Variants in EP400 observed in about 807,000 individuals in gnomAD.
EP400 encodes E1A-binding protein p400.
A neutral mutation model predicts 354.1 loss-of-function variants in EP400; 105 were observed. The ratio of observed to expected loss-of-function variants is 0.30; its 90% CI spans 0.25 to 0.35. The LOEUF (loss-of-function observed/expected upper bound fraction) is 0.35. EP400 is among the 10% of genes least tolerant of loss of function. The pLI is 1.00. For missense variants in EP400, 3,280 were observed against 4,121.0 expected, an observed-to-expected ratio of 0.80 and a Z score of 5.59; for synonymous variants, 1,646 against 1,716.9, an observed-to-expected ratio of 0.96 and a Z score of 1.02.
intron 1 of EP400, among the ~76,000 whole-genome samples, chr12:131,954,762 G>A (rs1292467302): frequency 2.0e-5 from 3 of 149,716 alleles, no homozygotes; most frequent in African/African-American, 7.3e-5. Context: ...GCGTGGTGGT[G>A]TGTGCCTATA....
At chr12:131,962,795 G>A (rs760313697) in intron 2 of EP400, among the ~76,000 whole-genome samples, 17 of 152,182 alleles carry the variant, frequency 1.1e-4, no homozygotes, top group Non-Finnish European at 2.2e-4. Flanking sequence ...GTTGTGTAGT[G>A]TATACTATGT....
rs556902763 is a variant in EP400, at chr12:132,013,610, C to T, written c.3732C>T (p.Ala1244=). ...CCTACCTGAGCTCCCCTCTGAGGGC[C>T]CCCAGTGAAGAGAGCCAGGATTACT... ...SRPYLSSPLR[A]PSEESQDYYH... is the part of the protein sequence containing the mutation. The change falls in exon 18 of 53, where the codon GCC becomes GCT. Residue 1244 remains alanine (A), a synonymous_variant. Transcript: ENST00000389561. This position sits in a 1 kb window ranked among gnomAD's most constrained non-coding sequence, Gnocchi z 4.5. 4.3e-6 allele frequency: 7 copies of T among 1,613,674 alleles called. No individual in the cohort carries two copies. The highest frequency in any genetic ancestry group is 4.0e-5 in the African/African-American group (3 of 74,888).
At position 131,994,828 on chromosome 12, in the gene EP400, G is replaced by C; in HGVS notation, c.2738-39G>C. 6.4e-7 allele frequency: 1 copy of C among 1,562,512 alleles called. No homozygotes were observed. Among genetic ancestry groups the C allele is most frequent in the South Asian group, 1.1e-5 (1 of 89,702 alleles). ...GTAATGAGTAACAGACACTCAAGTG[G>C]TGTTGCCTCTCAGTGACACTTGCTG... On this transcript the variant is annotated intron_variant, in intron 11 of 52. Transcript: ENST00000389561. The surrounding 1 kb of genome is among the most constrained non-coding windows in gnomAD (Gnocchi z 4.6).
intron 2 of EP400, among the ~76,000 whole-genome samples, chr12:131,977,313 T>G (rs372683997): frequency 6.6e-6 from 1 of 151,484 alleles, no homozygotes; most frequent in Non-Finnish European, 1.5e-5. Flanking sequence ...ATTTTTTTTT[T>G]TTTTTGTATT....
intron 2 of EP400, among the ~76,000 whole-genome samples, chr12:131,973,612 C>T (rs1000908754): frequency 6.6e-6 from 1 of 152,168 alleles, no homozygotes; most frequent in South Asian, 2.1e-4. Context: ...CGCTGCACTC[C>T]AGCCTGGGCA....
Position 131,990,117 on chromosome 12 carries a change from G to T in EP400, c.2550+13G>T. The T allele has an allele frequency of 6.3e-7, 1 of 1,594,714 alleles. No individual in the cohort carries two copies. Among genetic ancestry groups the T allele is most frequent in the Non-Finnish European group, 8.5e-7 (1 of 1,172,820 alleles). On this transcript the variant is annotated intron_variant, in intron 8 of 52. Coordinates refer to ENST00000389561, the MANE Select transcript of EP400 (RefSeq NM_015409.5). This position sits in a 1 kb window ranked among gnomAD's most constrained non-coding sequence, Gnocchi z 4.2. ...GAATATTGAACAGGCGAGTGCTGCCGTTGTCATGGGGTCGTAAGAATCAGT... is the reference window on the plus strand; with the variant it reads ...GAATATTGAACAGGCGAGTGCTGCCTTTGTCATGGGGTCGTAAGAATCAGT...
intron 23 of EP400, 34 bp from the exon 24 acceptor site, chr12:132,023,743 A>G (rs1894205474): frequency 1.9e-6 from 3 of 1,602,552 alleles, no homozygotes; most frequent in Non-Finnish European, 2.5e-6. Flanking sequence ...TTCCAAAATG[A>G]TCTGAATTCA....
Position 131,991,457 on chromosome 12 carries a change from G to T in EP400, c.2679+1G>T. On this transcript the variant is annotated splice_donor_variant, in intron 10 of 52. Transcript: ENST00000389561. LOFTEE classifies it high-confidence loss of function. ...TGACGCATTACAGGAAAGTTCTCTG[G>T]TAAGTTTGGGGTTGTTACTGTGCTG... 1 of 1,613,990 alleles carries T rather than the reference G, an allele frequency of 6.2e-7. No individual in the cohort carries two copies. Among genetic ancestry groups the T allele is most frequent in the Non-Finnish European group, 8.5e-7 (1 of 1,179,916 alleles).
At chr12:131,954,082 G>A (rs932981924) in intron 1 of EP400, among the ~76,000 whole-genome samples, 33 of 152,176 alleles carry the variant, frequency 2.2e-4, no homozygotes, top group African/African-American at 6.7e-4. Context: ...CGCAGCACTC[G>A]AGTTTAGGTG....
Position 132,057,761 on chromosome 12 carries a change from C to G in EP400, c.7884+2553C>G, listed in dbSNP as rs555869685. 2.9e-4 allele frequency among the ~76,000 whole-genome samples: 44 copies of G among 152,316 alleles called. No individual in the cohort carries two copies. In the South Asian group the frequency reaches 3.5e-3, roughly 12 times the overall value. ...ATAGCAGAAGCTGTTAGGCCTGAGG[C>G]GTTTGGAACATCCCGTATGACCAAT... On this transcript the variant is annotated intron_variant, in intron 45 of 52. Transcript: ENST00000389561.
intron 12 of EP400, among the ~76,000 whole-genome samples, chr12:132,003,869 T>C (rs1893498067): frequency 6.6e-6 from 1 of 152,238 alleles, no homozygotes; most frequent in African/African-American, 2.4e-5. Context: ...GTTTTGCTAG[T>C]CCCAAGTGGA....
chr12:132,027,486 C>T lies in EP400; in HGVS notation c.5064C>T (p.Pro1688=), dbSNP rs146646475. 1.3e-3 allele frequency: 2,090 copies of T among 1,613,848 alleles called. 5 individuals carry two copies. Among genetic ancestry groups the T allele is most frequent in the Non-Finnish European group, 1.5e-3 (1,747 of 1,179,972 alleles). ...VAVNALAVGE[P]GTASKPASPI... ...TGAATGCCTTGGCTGTAGGAGAACCCGGAACGGCCTCCAAACCAGCTTCTC... is the reference window on the plus strand; with the variant it reads ...TGAATGCCTTGGCTGTAGGAGAACCTGGAACGGCCTCCAAACCAGCTTCTC... The change falls in exon 26 of 53, where the codon CCC becomes CCT. Residue 1688 remains proline (P), a synonymous_variant. Coordinates refer to ENST00000389561, the MANE Select transcript of EP400 (RefSeq NM_015409.5). The surrounding 1 kb of genome is among the most constrained non-coding windows in gnomAD (Gnocchi z 4.9).
rs751257329 is a variant in EP400 at position 132,079,878 on chromosome 12, T to A, written c.*2205T>A. The A allele has an allele frequency of 2.0e-5, 3 of 152,268 alleles. No homozygotes were observed. Among genetic ancestry groups the A allele is most frequent in the Non-Finnish European group, 2.9e-5 (2 of 68,050 alleles). 9.4% of individuals were successfully genotyped at this position (152,268 alleles called of 1,614,324 possible). On this transcript the variant is annotated 3_prime_UTR_variant, in exon 53 of 53. Coordinates refer to ENST00000389561, the MANE Select transcript of EP400 (RefSeq NM_015409.5). Reference sequence around the variant, plus strand: ...GATGCTACCGTTGACCTGAGTTAAATTCATTTAGTCGTGTACGTAAAAACT... The same window carrying A: ...GATGCTACCGTTGACCTGAGTTAAAATCATTTAGTCGTGTACGTAAAAACT...
At chr12:132,071,059 G>A (rs1436152738) in intron 51 of EP400, among the ~76,000 whole-genome samples, 1 of 152,198 alleles carries the variant, frequency 6.6e-6, no homozygotes, top group African/African-American at 2.4e-5. Flanking sequence ...TGCTGGCTGG[G>A]ACCTGCAGCA....
At chr12:131,956,838 T>C (rs1050978690) in intron 1 of EP400, among the ~76,000 whole-genome samples, 1 of 151,770 alleles carries the variant, frequency 6.6e-6, no homozygotes, top group Admixed American at 6.6e-5. Context: ...GTTAAGTACA[T>C]GCTTTTCTCC....
At chr12:132,007,286 TATC>T (rs571688215) in intron 15 of EP400, among the ~76,000 whole-genome samples, 1 of 152,236 alleles carries the variant, frequency 6.6e-6, no homozygotes, top group African/African-American at 2.4e-5. Flanking sequence ...CTTTTCATGT[TATC>T]ATGTCCATGC....
Position 132,045,393 on chromosome 12 carries a change from C to T in EP400, c.6859C>T (p.Pro2287Ser). 6.2e-7 allele frequency: 1 copy of T among 1,614,244 alleles called. No individual in the cohort carries two copies. Among genetic ancestry groups the T allele is most frequent in the Non-Finnish European group, 8.5e-7 (1 of 1,180,054 alleles). The change falls in exon 38 of 53, where the codon CCA becomes TCA. Residue 2287 changes from proline to serine, a missense_variant. Pro to Ser is a moderately conservative substitution (Grantham distance 74). Around this residue, in one of 20 missense-constraint regions of EP400, gnomAD observed 231 missense variants for 257.9 expected, o/e 0.90. Transcript: ENST00000389561. Reference sequence around the variant, plus strand: ...TCGGTCCCTGTTTGACCGCGCAACACCAGGACTTCTGAAAATTCGCAGAGA... The same window carrying T: ...TCGGTCCCTGTTTGACCGCGCAACATCAGGACTTCTGAAAATTCGCAGAGA... ...PPRSLFDRAT[P>S]GLLKIRREGK...
At chr12:132,008,919 CTT>C (rs774921042) in intron 15 of EP400, among the ~76,000 whole-genome samples, 1 of 114,742 alleles carries the variant, frequency 8.7e-6, no homozygotes, top group Non-Finnish European at 1.8e-5. Flanking sequence ...CGTGCCCAGC[CTT>C]TTTTTTTTTT....
chr12:131,987,802 C>T lies in EP400; in HGVS notation c.2321C>T (p.Ser774Phe). The change falls in exon 7 of 53, where the codon TCC (serine) becomes TTC (phenylalanine). Residue 774 changes from serine to phenylalanine, a missense_variant. By Grantham distance (155) the Ser-to-Phe change is radical (BLOSUM62 -2). Around this residue, in one of 20 missense-constraint regions of EP400, gnomAD observed 800 missense variants for 840.0 expected, o/e 0.95. Transcript: ENST00000389561. ...CTGCAGGAGGCCCCACGCCCCAAGT[C>T]CCACTGGGACTATCTGCTGGAGGAG... The part of the protein sequence containing the change: ...PKLQEAPRPK[S>F]HWDYLLEEMQ... The T allele has an allele frequency of 6.2e-7, 1 of 1,613,468 alleles. No homozygotes were observed. Among genetic ancestry groups the T allele is most frequent in the Non-Finnish European group, 8.5e-7 (1 of 1,179,932 alleles).
Sources: allele counts gnomAD v4.1 joint callset (sites outside exome capture counted in the v4.1 genomes callset), GRCh38; gene constraint gnomAD v4.1.1; regional missense constraint gnomAD v4.1.1; non-coding constraint Gnocchi (gnomAD v3.1); transcripts MANE v1.5; gene names NCBI Gene and HGNC (gene_info 2026-07-23, HGNC 2026-07-21).